The following ENTHD1 variants were observed in gnomAD, a reference collection of about 807,000 sequenced individuals.
ENTHD1 encodes ENTH domain-containing protein 1.
Under a neutral mutation model 39.1 loss-of-function variants are expected in ENTHD1, and 23 were observed. The ratio of observed to expected loss-of-function variants is 0.59; its 90% confidence interval spans 0.42 to 0.83. The LOEUF is 0.83. Among genes scored for constraint, ENTHD1 ranks in the 40% least tolerant of loss-of-function variants. The pLI is 0.00. For missense variants in ENTHD1, 624 were observed against 705.4 expected (o/e 0.88, Z 1.31); for synonymous variants, 230 against 258.2 (o/e 0.89, Z 1.05).
chr22:39,811,203 A>G lies in ENTHD1; in HGVS notation c.832+9790T>C, dbSNP rs372505828. 5.9e-4 allele frequency among the ~76,000 whole-genome samples: 90 copies of G among 152,340 alleles called. 2 individuals are homozygous for G. Among genetic ancestry groups the G allele is most frequent in the Admixed American group, 3.4e-3 (52 of 15,306 alleles). On this transcript the variant is annotated intron_variant, in intron 5 of 6. Coordinates refer to ENST00000325157, the MANE Select transcript of ENTHD1 (RefSeq NM_152512.4). The stretch of plus-strand genomic sequence containing the variant: ...TATTGCATCTTGAAATGCCCAACAT[A>G]AGGAAAGAAACATGATAATCATGGG...
At chr22:39,793,752 G>A (rs1177687402) in intron 5 of ENTHD1, among the ~76,000 whole-genome samples, 2 of 152,130 alleles carry the variant, frequency 1.3e-5, no homozygotes, top group African/African-American at 4.8e-5. Flanking sequence ...CATCTTTGTT[G>A]AAAATCAGTT....
chr22:39,873,588 C>A (rs1249332543), intron 2 of ENTHD1, among the ~76,000 whole-genome samples: 1 of 152,160 alleles, frequency 6.6e-6, no homozygotes. Flanking sequence ...AACTTAATAT[C>A]TCTGAGCTTT....
At chr22:39,812,230 G>A (rs1049178172) in intron 5 of ENTHD1, among the ~76,000 whole-genome samples, 3 of 152,142 alleles carry the variant, frequency 2.0e-5, no homozygotes, top group Non-Finnish European at 2.9e-5. Context: ...TTGCTAATAC[G>A]TCAAGTATGC....
intron 6 of ENTHD1, among the ~76,000 whole-genome samples, chr22:39,759,200 G>C (rs1334030332): frequency 6.6e-6 from 1 of 152,028 alleles, no homozygotes; most frequent in Non-Finnish European, 1.5e-5. Flanking sequence ...TTCTTTCTTA[G>C]AATTCACTAG....
chr22:39,754,969 T>C (rs2065173782), intron 6 of ENTHD1, among the ~76,000 whole-genome samples: 1 of 152,254 alleles, frequency 6.6e-6, no homozygotes, highest in East Asian at 1.9e-4. Context: ...TCCAGTGTTT[T>C]CTTCTACCGC....
chr22:39,754,424 G>A (rs1330351614), intron 6 of ENTHD1, among the ~76,000 whole-genome samples: 1 of 152,160 alleles, frequency 6.6e-6, no homozygotes, highest in Non-Finnish European at 1.5e-5. Context: ...ATTCTCTACA[G>A]TGTCTGTTCT....
At chr22:39,850,294 G>C (rs1294998716) in intron 3 of ENTHD1, among the ~76,000 whole-genome samples, 4 of 152,010 alleles carry the variant, frequency 2.6e-5, no homozygotes, top group Non-Finnish European at 5.9e-5. Flanking sequence ...CATCTTCCTG[G>C]GAAATTGAGC....
chr22:39,764,728 TTATAA>T (rs960956580), intron 6 of ENTHD1, among the ~76,000 whole-genome samples: 2 of 150,522 alleles, frequency 1.3e-5, no homozygotes. Context: ...TTTTATATCT[TTATAA>T]TATAAAATAT....
chr22:39,801,916 G>A (rs2065601763), intron 5 of ENTHD1, among the ~76,000 whole-genome samples: 1 of 151,882 alleles, frequency 6.6e-6, no homozygotes, highest in African/African-American at 2.4e-5. Flanking sequence ...GTTTTTTCAA[G>A]GAAGGAGAGC....
chr22:39,792,005 G>T (rs1409934096), intron 5 of ENTHD1, among the ~76,000 whole-genome samples: 3 of 152,006 alleles, frequency 2.0e-5, no homozygotes, highest in Admixed American at 1.3e-4. Context: ...TTCTGTTCCT[G>T]CATTAGTTTG....
At chr22:39,884,132 C>G (rs759367602) in intron 2 of ENTHD1, among the ~76,000 whole-genome samples, 9 of 151,866 alleles carry the variant, frequency 5.9e-5, no homozygotes, top group Non-Finnish European at 1.3e-4. Context: ...CCAAATTGAT[C>G]TACAGATTCA....
chr22:39,851,597 T>C (rs1160418247), intron 3 of ENTHD1, among the ~76,000 whole-genome samples: 3 of 152,208 alleles, frequency 2.0e-5, no homozygotes, highest in African/African-American at 7.2e-5. Context: ...TGAGTACACT[T>C]TCTCAATTCA....
chr22:39,889,229 C>A (rs1024048926), intron 1 of ENTHD1, among the ~76,000 whole-genome samples: 2 of 152,298 alleles, frequency 1.3e-5, no homozygotes, highest in Admixed American at 6.5e-5. Context: ...GCAAGGATTT[C>A]TCTAAATCCT....
At chr22:39,823,233 T>C (rs1261677869) in intron 4 of ENTHD1, among the ~76,000 whole-genome samples, 2 of 152,190 alleles carry the variant, frequency 1.3e-5, no homozygotes, top group Non-Finnish European at 2.9e-5. Flanking sequence ...GTACCCTTGA[T>C]ATAGATGTAA....
chr22:39,814,026 A>T (rs1601612398), intron 5 of ENTHD1, among the ~76,000 whole-genome samples: 1 of 152,172 alleles, frequency 6.6e-6, no homozygotes, highest in African/African-American at 2.4e-5. Context: ...AAAACTATTA[A>T]AAAAACACAT....
At chr22:39,841,452 A>C (rs544754748) in intron 3 of ENTHD1, among the ~76,000 whole-genome samples, 1 of 151,824 alleles carries the variant, frequency 6.6e-6, no homozygotes, top group East Asian at 1.9e-4. Context: ...TAGGATAGTT[A>C]GCTCTTCTTG....
intron 6 of ENTHD1, 45 bp from the exon 7 acceptor site, chr22:39,744,328 A>G (rs780779007): frequency 1.3e-6 from 2 of 1,499,534 alleles, no homozygotes; most frequent in East Asian, 2.3e-5. Context: ...CAACATACAA[A>G]TGAGAGTAAT....
chr22:39,863,653 CAT>C (rs1249903619), intron 2 of ENTHD1, among the ~76,000 whole-genome samples: 2 of 152,218 alleles, frequency 1.3e-5, no homozygotes, highest in African/African-American at 4.8e-5. Flanking sequence ...AACTCACAAA[CAT>C]GGCTTCCCAA....
intron 2 of ENTHD1, among the ~76,000 whole-genome samples, chr22:39,866,653 T>C (rs1260487951): frequency 6.6e-6 from 1 of 152,204 alleles, no homozygotes; most frequent in East Asian, 1.9e-4. Context: ...CCTCTCCCGC[T>C]GTGCCCTATG....
Sources: gnomAD v4.1 joint callset for allele counts (sites outside exome capture counted in the v4.1 genomes callset) on GRCh38, gnomAD v4.1.1 for gene constraint, MANE v1.5 for transcripts, NCBI Gene and HGNC (gene_info 2026-07-23, HGNC 2026-07-21) for gene names.